The following DMXL2 variants were observed in gnomAD, a reference collection of about 807,000 sequenced individuals.
DMXL2 encodes Dmx like 2.
Under a neutral mutation model 331.1 loss-of-function variants are expected in DMXL2, and 103 were observed. The ratio of observed to expected loss-of-function variants is 0.31; its 90% CI spans 0.27 to 0.37. The LOEUF (loss-of-function observed/expected upper bound fraction) is 0.37, where lower values mean the gene tolerates loss of function less well. Among genes scored for constraint, DMXL2 ranks in the 10% least tolerant of loss-of-function variants. The pLI, the probability that DMXL2 is intolerant of heterozygous loss-of-function variation, is 1.00. For missense variants in DMXL2, 3,171 were observed against 3,642.9 expected (o/e 0.87, Z 3.33); for synonymous variants, 1,281 against 1,252.1 (o/e 1.02, Z -0.49).
At chr15:51,581,750 G>T (rs1353628369) in intron 1 of DMXL2, among the ~76,000 whole-genome samples, 1 of 152,112 alleles carries the variant, frequency 6.6e-6, no homozygotes, top group Non-Finnish European at 1.5e-5. Flanking sequence ...CATTTCCTAT[G>T]AAACTATAGC....
intron 13 of DMXL2, among the ~76,000 whole-genome samples, chr15:51,524,438 C>T (rs1184115295): frequency 1.3e-5 from 2 of 152,110 alleles, no homozygotes; most frequent in African/African-American, 4.8e-5. Flanking sequence ...TTCATAAGAA[C>T]CAAAAATCAG....
chr15:51,465,783 C>T (rs1190486486), intron 30 of DMXL2, 132 bp from the exon 31 acceptor site: 1 of 654,758 alleles, frequency 1.5e-6, no homozygotes, highest in Non-Finnish European at 2.6e-6. Context: ...ATTTACTATG[C>T]AAAAATGGCA....
intron 1 of DMXL2, among the ~76,000 whole-genome samples, chr15:51,591,073 C>A (rs1023269253): frequency 6.6e-6 from 1 of 152,098 alleles, no homozygotes; most frequent in Non-Finnish European, 1.5e-5. Flanking sequence ...TGGGGAGTGT[C>A]GGAAAGTGGA....
chr15:51,538,127 C>A (rs529510301), intron 10 of DMXL2, 86 bp downstream of exon 10: 3 of 1,456,044 alleles, frequency 2.1e-6, no homozygotes, highest in African/African-American at 2.8e-5. Context: ...GGAGGAAGAG[C>A]GGGAAGGAAG....
chr15:51,501,714 A>G (rs1193700182), intron 17 of DMXL2, among the ~76,000 whole-genome samples: 2 of 150,954 alleles, frequency 1.3e-5, no homozygotes, highest in Non-Finnish European at 2.9e-5. Context: ...AGGTCAGGAG[A>G]TCGAGACCAT....
intron 15 of DMXL2, among the ~76,000 whole-genome samples, chr15:51,511,022 C>G (rs1220900675): frequency 6.6e-6 from 1 of 152,186 alleles, no homozygotes; most frequent in Non-Finnish European, 1.5e-5. Context: ...CCCTTTCTTA[C>G]ACTTCATACA....
At chr15:51,621,926 G>A (rs2054656473) in intron 1 of DMXL2, among the ~76,000 whole-genome samples, 1 of 152,152 alleles carries the variant, frequency 6.6e-6, no homozygotes, top group South Asian at 2.1e-4. Flanking sequence ...TGCATTATCA[G>A]GAGATACAGA....
intron 6 of DMXL2, among the ~76,000 whole-genome samples, chr15:51,559,045 A>C (rs2049786118): frequency 6.6e-6 from 1 of 152,230 alleles, no homozygotes; most frequent in African/African-American, 2.4e-5. Flanking sequence ...AAAAAAACTT[A>C]AAGCAACTCT....
At chr15:51,461,465 T>C (rs2040115464) in intron 33 of DMXL2, among the ~76,000 whole-genome samples, 2 of 152,218 alleles carry the variant, frequency 1.3e-5, no homozygotes, top group African/African-American at 4.8e-5. Flanking sequence ...AAATCATTAA[T>C]TTTAATAATT....
chr15:51,591,315 C>A (rs1471971145), intron 1 of DMXL2, among the ~76,000 whole-genome samples: 1 of 152,236 alleles, frequency 6.6e-6, no homozygotes, highest in Non-Finnish European at 1.5e-5. Flanking sequence ...GGTCCTACGC[C>A]CACAGAGCCT....
chr15:51,587,740 C>T lies in DMXL2; in HGVS notation c.88-11559G>A, dbSNP rs59239326. Among the ~76,000 whole-genome samples, 1,077 of 152,306 alleles carry T rather than the reference C, an allele frequency of 7.1e-3. 17 individuals are homozygous for T. The highest frequency in any genetic ancestry group is 0.026 in the East Asian group (134 of 5,178). ...CTAGCTCTAGATCCCTGAGGAATCG[C>T]CACACTGACTTCCACAATGGTTGAA... is the stretch of plus-strand genomic sequence containing the variant. On this transcript the variant is annotated intron_variant, in intron 1 of 43. Transcript: ENST00000560891.
intron 1 of DMXL2, among the ~76,000 whole-genome samples, chr15:51,605,797 C>T (rs2053550430): frequency 2.3e-5 from 1 of 42,942 alleles, no homozygotes; most frequent in African/African-American, 6.6e-5. Context: ...CCCGCCTCGG[C>T]CTCCCAAAGT....
chr15:51,612,528 T>C (rs1347661491), intron 1 of DMXL2, among the ~76,000 whole-genome samples: 1 of 152,154 alleles, frequency 6.6e-6, no homozygotes, highest in Non-Finnish European at 1.5e-5. Context: ...TGTCAGCAGG[T>C]TCCGTGATGC....
At chr15:51,568,273 T>C (rs567542065) in intron 3 of DMXL2, 7 of 444,074 alleles carry the variant, frequency 1.6e-5, no homozygotes, top group African/African-American at 8.3e-5. Flanking sequence ...ACAGTAAATG[T>C]CAATTTGCAA....
chr15:51,552,953 T>C (rs780106493), intron 6 of DMXL2, among the ~76,000 whole-genome samples: 3 of 151,910 alleles, frequency 2.0e-5, no homozygotes, highest in Non-Finnish European at 2.9e-5. Flanking sequence ...TTCAGAGCAT[T>C]TGCACTTGGT....
intron 18 of DMXL2, among the ~76,000 whole-genome samples, chr15:51,497,955 G>C (rs2043300099): frequency 6.6e-6 from 1 of 152,158 alleles, no homozygotes; most frequent in South Asian, 2.1e-4. Context: ...GACTTGGCCA[G>C]TCCATGGTGA....
intron 17 of DMXL2, among the ~76,000 whole-genome samples, chr15:51,501,844 TG>T (rs1260967295): frequency 6.9e-6 from 1 of 144,966 alleles, no homozygotes; most frequent in Non-Finnish European, 1.5e-5. Context: ...GGCATGAACC[TG>T]GGAGGCGAAG....
intron 29 of DMXL2, among the ~76,000 whole-genome samples, chr15:51,467,024 G>C (rs1194497968): frequency 6.6e-6 from 1 of 151,950 alleles, no homozygotes; most frequent in African/African-American, 2.4e-5. Flanking sequence ...TCTTAAGTCA[G>C]TGGGAGAAAA....
chr15:51,537,271 G>C (rs923088699), intron 11 of DMXL2, among the ~76,000 whole-genome samples: 1 of 152,016 alleles, frequency 6.6e-6, no homozygotes, highest in East Asian at 1.9e-4. Context: ...TAAATATTCA[G>C]TACTGCATTT....
Sources: gnomAD v4.1 joint callset for allele counts (sites outside exome capture counted in the v4.1 genomes callset) on GRCh38, gnomAD v4.1.1 for gene constraint, MANE v1.5 for transcripts, NCBI Gene and HGNC (gene_info 2026-07-23, HGNC 2026-07-21) for gene names.